PLXNA4: variants seen among roughly 807,000 people sequenced by gnomAD.
The protein encoded by PLXNA4 is plexin-A4.
A neutral mutation model predicts 191.8 loss-of-function variants in PLXNA4; 44 were observed. The ratio of observed to expected loss-of-function variants is 0.23; its 90% CI spans 0.18 to 0.29. PLXNA4 has a LOEUF of 0.29. Ranked by LOEUF, PLXNA4 falls within the 10% of genes least tolerant of loss-of-function variation. PLXNA4 has a pLI of 1.00. For synonymous variants in PLXNA4, 1,082 were observed against 1,009.5 expected, an observed-to-expected ratio of 1.07 and a Z score of -1.36; for missense variants, 1,800 against 2,488.8, an observed-to-expected ratio of 0.72 and a Z score of 5.89.
chr7:132,286,111 C>T (rs1211945270), intron 4 of PLXNA4, among the ~76,000 whole-genome samples: 1 of 152,218 alleles, frequency 6.6e-6, no homozygotes, highest in Non-Finnish European at 1.5e-5. Flanking sequence ...TGGAGCAATT[C>T]CCACAGCAGG....
chr7:132,246,789 CATCATCA>C (rs1799070087), intron 4 of PLXNA4, among the ~76,000 whole-genome samples: 5 of 151,362 alleles, frequency 3.3e-5, no homozygotes, highest in Admixed American at 2.6e-4. Context: ...TCATCATCAT[CATCATCA>C]TCATCATCAT....
intron 3 of PLXNA4, among the ~76,000 whole-genome samples, chr7:132,336,187 C>T (rs1802809991): frequency 6.6e-6 from 1 of 152,160 alleles, no homozygotes; most frequent in African/African-American, 2.4e-5. Flanking sequence ...CACACCAACT[C>T]TGTTTCTGGA....
Position 132,475,758 on chromosome 7 carries a change from TA to T in PLXNA4, c.1371+13533del, listed in dbSNP as rs561862631. Among the ~76,000 whole-genome samples, 898 of 150,496 alleles carry T rather than the reference TA, an allele frequency of 6.0e-3. 13 individuals carry two copies. Among genetic ancestry groups the T allele is most frequent in the African/African-American group, 0.021 (853 of 41,042 alleles). On this transcript the variant is annotated intron_variant, in intron 3 of 31. Coordinates refer to ENST00000321063, the MANE Select transcript of PLXNA4 (RefSeq NM_020911.2). ...ATTGAAGGCAGATGCAAGGAGCACT[TA>T]AAAAAAAGCAACCGGGAGACTGATT...
chr7:132,634,731 C>T (rs954824987), intron 2 of PLXNA4, among the ~76,000 whole-genome samples: 1 of 152,216 alleles, frequency 6.6e-6, no homozygotes, highest in Non-Finnish European at 1.5e-5. Flanking sequence ...CTGGCCACCA[C>T]CTCTCACGTA....
chr7:132,353,027 T>C (rs944879052), intron 3 of PLXNA4, among the ~76,000 whole-genome samples: 1 of 152,214 alleles, frequency 6.6e-6, no homozygotes, highest in African/African-American at 2.4e-5. Flanking sequence ...CACTAATATA[T>C]GTGAACGTCG....
chr7:132,579,441 G>A (rs896518498), upstream of PLXNA4, among the ~76,000 whole-genome samples: 6 of 140,198 alleles, frequency 4.3e-5, no homozygotes, highest in African/African-American at 1.8e-4. Flanking sequence ...GTGTGTGCGT[G>A]TGTGTGTGTG....
intron 5 of PLXNA4, 113 bp from the exon 6 acceptor site, chr7:132,228,582 C>G: frequency 7.4e-7 from 1 of 1,356,902 alleles, no homozygotes; most frequent in Admixed American, 2.2e-5. Flanking sequence ...AAACTCAATG[C>G]GCCCAGAGCT....
At chr7:132,579,140 C>T (rs1802350690), upstream of PLXNA4, among the ~76,000 whole-genome samples, 1 of 152,134 alleles carries the variant, frequency 6.6e-6, no homozygotes, top group South Asian at 2.1e-4. Context: ...CTAGGTGTCC[C>T]TTTTAAAATT....
chr7:132,265,011 T>C (rs1799796782), intron 4 of PLXNA4, among the ~76,000 whole-genome samples: 1 of 152,184 alleles, frequency 6.6e-6, no homozygotes. Context: ...TCCCTTTTAA[T>C]GCTAATAGAG....
At chr7:132,641,165 T>C (rs1803736132) in intron 2 of PLXNA4, among the ~76,000 whole-genome samples, 1 of 152,258 alleles carries the variant, frequency 6.6e-6, no homozygotes, top group South Asian at 2.1e-4. Context: ...AACTGTAACA[T>C]AGCTTGATCT....
At chr7:132,244,390 C>T (rs1798979101) in intron 4 of PLXNA4, among the ~76,000 whole-genome samples, 1 of 152,188 alleles carries the variant, frequency 6.6e-6, no homozygotes, top group Admixed American at 6.5e-5. Context: ...TGAAGACAAT[C>T]ATCTGGGCAG....
At chr7:132,536,640 G>A (rs1347878451) in intron 1 of PLXNA4, among the ~76,000 whole-genome samples, 2 of 152,172 alleles carry the variant, frequency 1.3e-5, no homozygotes, top group African/African-American at 2.4e-5. Flanking sequence ...CAGTCCTTGG[G>A]CAAATCAGCC....
chr7:132,527,898 A>G (rs1799469613), intron 1 of PLXNA4, among the ~76,000 whole-genome samples: 1 of 152,198 alleles, frequency 6.6e-6, no homozygotes, highest in Admixed American at 6.5e-5. Flanking sequence ...AGCCCCTGGA[A>G]CAAGGAGATA....
chr7:132,367,316 T>G (rs570516185), intron 3 of PLXNA4, among the ~76,000 whole-genome samples: 1 of 152,194 alleles, frequency 6.6e-6, no homozygotes, highest in Non-Finnish European at 1.5e-5. Context: ...CTAGCAGCTC[T>G]GTCATGGACT....
chr7:132,542,354 AGATGAGGGCGTG>A (rs1427163885), intron 1 of PLXNA4, among the ~76,000 whole-genome samples: 1 of 152,252 alleles, frequency 6.6e-6, no homozygotes, highest in African/African-American at 2.4e-5. Flanking sequence ...GGACAGATGA[AGATGAGGGCGTG>A]GGGGAATAGT....
At position 132,489,437 on chromosome 7, in the gene PLXNA4, A is replaced by G. The variant is rs1403845109; in HGVS notation, c.1226T>C (p.Met409Thr). ...TIDDNFCGLD[M>T]NAPLGVSDMV... is the part of the protein sequence containing the mutation. ...GTCGGACACTCCCAGGGGAGCATTC[A>G]TGTCCAGGCCACAGAAGTTATCGTC... Residue 409 changes from methionine to threonine, a missense_variant, in exon 3 of 32, where the codon ATG becomes ACG. By Grantham distance (81) the Met-to-Thr change is moderately conservative (BLOSUM62 -1). This residue lies in a region of PLXNA4 where 1,397 missense variants were observed against 1,880.4 expected (regional missense o/e 0.74). Transcript: ENST00000321063. 1 of 1,587,210 alleles carries G rather than the reference A, an allele frequency of 6.3e-7. No homozygotes were observed. The highest frequency in any genetic ancestry group is 8.6e-7 in the Non-Finnish European group (1 of 1,157,618).
chr7:132,147,782 C>A, intron 27 of PLXNA4, 118 bp downstream of exon 27: 1 of 1,365,564 alleles, frequency 7.3e-7, no homozygotes, highest in Non-Finnish European at 1.0e-6. Context: ...CGATGGTCAG[C>A]CTGTCTGATG....
Position 132,576,425 on chromosome 7 carries a change from G to C in PLXNA4, c.-90C>G. On this transcript the variant is annotated 5_prime_UTR_variant, in exon 1 of 32. Coordinates refer to ENST00000321063, the MANE Select transcript of PLXNA4 (RefSeq NM_020911.2). This position sits in a 1 kb window ranked among gnomAD's most constrained non-coding sequence, Gnocchi z 5.8. ...CCCCGGCGGGCCGGCTCCTTACCTG[G>C]ACGCGCCGCGTTTCCCTCCTTCAGC... 3 of 985,864 alleles carry C rather than the reference G, an allele frequency of 3.0e-6. No individual in the cohort carries two copies. Among genetic ancestry groups the C allele is most frequent in the Non-Finnish European group, 2.4e-6 (2 of 830,064 alleles). 61.1% of individuals were successfully genotyped at this position (985,864 alleles called of 1,614,324 possible). A position where few individuals can be genotyped will look rare whatever the true frequency, so the allele number is the denominator to read the frequency against.
At chr7:132,311,156 T>TTTG (rs1194153948) in intron 3 of PLXNA4, among the ~76,000 whole-genome samples, 1 of 132,040 alleles carries the variant, frequency 7.6e-6, no homozygotes, top group Non-Finnish European at 1.6e-5. Flanking sequence ...TCTAGGATAA[T>TTTG]TGTGTGTGTG....
Sources: gnomAD v4.1 joint callset for allele counts (sites outside exome capture counted in the v4.1 genomes callset) on GRCh38, gnomAD v4.1.1 for gene constraint, gnomAD v4.1.1 regional missense constraint, Gnocchi (gnomAD v3.1) non-coding constraint, MANE v1.5 for transcripts, NCBI Gene and HGNC (gene_info 2026-07-23, HGNC 2026-07-21) for gene names.